TBX1: variants seen among roughly 807,000 people sequenced by gnomAD.
TBX1 encodes T-box transcription factor 1, also known as T-box transcription factor TBX1.
A neutral mutation model predicts 40.8 loss-of-function variants in TBX1; 16 were observed. The ratio of observed to expected loss-of-function variants is 0.39; its 90% CI spans 0.27 to 0.60. TBX1 has a LOEUF of 0.60. Among genes scored for constraint, TBX1 ranks in the 20% least tolerant of loss-of-function variants. The pLI, the probability that TBX1 is intolerant of heterozygous loss-of-function variation, is 0.51. For synonymous variants in TBX1, 403 were observed against 336.8 expected, an observed-to-expected ratio of 1.20 and a Z score of -2.15; for missense variants, 755 against 728.5, an observed-to-expected ratio of 1.04 and a Z score of -0.42.
chr22:19,765,834 C>A lies in TBX1; in HGVS notation c.935+9C>A, dbSNP rs754623522. ...TGTGACCCTGAGGACTGGTGAGTGT[C>A]CTCCCCCGAGAGAGTGAGCGCCGGG... On this transcript the variant is annotated intron_variant, in intron 5 of 6. Coordinates refer to ENST00000649276, the MANE Select transcript of TBX1 (RefSeq NM_001379200.1). The A allele has an allele frequency of 1.3e-6, 2 of 1,599,954 alleles. No individual in the cohort carries two copies. The highest frequency in any genetic ancestry group is 4.6e-5 in the East Asian group (2 of 43,776).
intron 8 of TBX1, among the ~76,000 whole-genome samples, chr22:19,774,779 A>C (rs1355818839): frequency 2.0e-5 from 3 of 152,204 alleles, no homozygotes; most frequent in Admixed American, 2.0e-4. Context: ...AGTCAGATTC[A>C]AGAAACAGAC....
At chr22:19,765,367 G>C (rs531576506) in intron 4 of TBX1, among the ~76,000 whole-genome samples, 1 of 152,094 alleles carries the variant, frequency 6.6e-6, no homozygotes, top group Admixed American at 6.5e-5. Context: ...TTTGTTTTCC[G>C]AACCATTCCG....
In TBX1 at chr22:19,765,839, C is replaced by CCCGAGAGAGTGAGCG. The variant is rs1239411826; in HGVS notation, c.935+18_935+32dup. 6 of 1,596,722 alleles carry CCCGAGAGAGTGAGCG rather than the reference C, an allele frequency of 3.8e-6. No homozygotes were observed. The highest frequency in any genetic ancestry group is 4.3e-6 in the Non-Finnish European group (5 of 1,172,434). On this transcript the variant is annotated intron_variant, in intron 5 of 6. Transcript: ENST00000649276. ...CCCTGAGGACTGGTGAGTGTCCTCCCCCGAGAGAGTGAGCGCCGGGCGCCT... is the reference window on the plus strand; with the variant it reads ...CCCTGAGGACTGGTGAGTGTCCTCCCCCGAGAGAGTGAGCGCCGAGAGAGTGAGCGCCGGGCGCCT...
chr22:19,783,147 G>A (rs1937158579), downstream of TBX1: 3 of 711,264 alleles, frequency 4.2e-6, no homozygotes, highest in East Asian at 7.9e-5. Context: ...CCGTGGAGTA[G>A]ACAAACTGCT....
chr22:19,761,431 C>T, intron 1 of TBX1, 151 bp downstream of exon 1: 2 of 1,188,120 alleles, frequency 1.7e-6, no homozygotes, highest in African/African-American at 3.2e-5. Context: ...CTGCCTCCTT[C>T]GCTGTTCGCC....
chr22:19,760,525 C>G (rs1039877254), upstream of TBX1, among the ~76,000 whole-genome samples: 3 of 143,910 alleles, frequency 2.1e-5, no homozygotes, highest in Non-Finnish European at 4.6e-5. Context: ...GAGGGCCGGC[C>G]GACGGGCCCG....
At chr22:19,772,397 C>T (rs1430067875) in intron 8 of TBX1, among the ~76,000 whole-genome samples, 10 of 152,210 alleles carry the variant, frequency 6.6e-5, no homozygotes, top group Non-Finnish European at 1.2e-4. Flanking sequence ...CCTCGAACTC[C>T]GGGGCTCAAG....
chr22:19,767,308 T>A lies in TBX1; in HGVS notation c.*441T>A. The A allele has an allele frequency of 2.0e-6, 2 of 990,880 alleles. No individual in the cohort carries two copies. The highest frequency in any genetic ancestry group is 2.4e-6 in the Non-Finnish European group (2 of 833,550). 61.4% of individuals were successfully genotyped at this position (990,880 alleles called of 1,614,324 possible). A position where few individuals can be genotyped will look rare whatever the true frequency, so the allele number is the denominator to read the frequency against. On this transcript the variant is annotated 3_prime_UTR_variant, in exon 7 of 7. Transcript: ENST00000649276. The stretch of plus-strand genomic sequence containing the variant: ...TGTAGATACCGCCCCGGCGCCGACT[T>A]GATAAACGGTTTCGCCTCTTTTGGA...
upstream of TBX1, chr22:19,759,348 C>T (rs1936563436): frequency 2.9e-6 from 1 of 348,416 alleles, no homozygotes; most frequent in African/African-American, 2.2e-5. Flanking sequence ...GGGCCCATGA[C>T]GCCATAATCC....
chr22:19,782,791 G>A, downstream of TBX1: 1 of 1,567,306 alleles, frequency 6.4e-7, no homozygotes, highest in East Asian at 2.3e-5. Context: ...TCAGCTGTCT[G>A]TGTTCACTCT....
At chr22:19,769,926 G>T (rs984611019), downstream of TBX1, among the ~76,000 whole-genome samples, 1 of 152,220 alleles carries the variant, frequency 6.6e-6, no homozygotes, top group African/African-American at 2.4e-5. Flanking sequence ...ACTGACAGTG[G>T]CCGTTCTTCC....
downstream of TBX1, chr22:19,782,980 G>A (rs1297448495): frequency 7.2e-7 from 1 of 1,386,026 alleles, no homozygotes. Flanking sequence ...CCCCAAGTAA[G>A]AAGTCTGAGT....
At position 19,764,147 on chromosome 22, in the gene TBX1, C is replaced by G; in HGVS notation, c.540-8C>G. 1.9e-6 allele frequency: 3 copies of G among 1,612,722 alleles called. No homozygotes were observed. The highest frequency in any genetic ancestry group is 2.5e-6 in the Non-Finnish European group (3 of 1,179,874). ...CCACATGCACGACCCCACCCCGTGC[C>G]GCTCCAGGTACGCCTTCCACAGCTC... On this transcript the variant is annotated splice_region_variant and splice_polypyrimidine_tract_variant and intron_variant, in intron 2 of 6. Coordinates refer to ENST00000649276, the MANE Select transcript of TBX1 (RefSeq NM_001379200.1).
Position 19,763,328 on chromosome 22 carries a change from C to A in TBX1, c.525C>A (p.Asp175Glu), listed in dbSNP as rs538317719. 1 of 1,614,002 alleles carries A rather than the reference C, an allele frequency of 6.2e-7. No individual in the cohort carries two copies. Among genetic ancestry groups the A allele is most frequent in the African/African-American group, 1.3e-5 (1 of 74,944 alleles). The part of the protein sequence containing the change: ...YMLLMDFVPV[D>E]DKRYRYAFHS... The stretch of plus-strand genomic sequence containing the variant: ...TGCTCATGGACTTCGTGCCGGTGGA[C>A]GATAAGCGCTACCGGTGAGCGAGTG... The change falls in exon 2 of 7, where the codon GAC becomes GAA. Residue 175 changes from aspartate (D) to glutamate (E), a missense_variant. Transcript: ENST00000649276.
intron 8 of TBX1, among the ~76,000 whole-genome samples, chr22:19,775,690 A>G (rs41297810): frequency 3.9e-5 from 6 of 152,286 alleles, no homozygotes; most frequent in East Asian, 1.9e-4. Flanking sequence ...GTCTTCCCAC[A>G]TGGCCGCACC....
At chr22:19,777,835 C>T (rs1257322455) in intron 8 of TBX1, among the ~76,000 whole-genome samples, 4 of 150,788 alleles carry the variant, frequency 2.7e-5, no homozygotes, top group African/African-American at 9.8e-5. Context: ...TCATGGCTCA[C>T]GGCAGCCTTG....
downstream of TBX1, among the ~76,000 whole-genome samples, chr22:19,768,950 A>ATTTTTTTTTTTTTTTTT (rs1601297935): frequency 4.2e-5 from 3 of 70,712 alleles, no homozygotes; most frequent in Non-Finnish European, 5.7e-5. Context: ...GGCTGTTCGC[A>ATTTTTTTTTTTTTTTTT]TTCTTTTTTT....
At position 19,765,951 on chromosome 22, in the gene TBX1, C is replaced by G. The variant is rs773107514; in HGVS notation, c.985C>G (p.Arg329Gly). 2 of 1,522,386 alleles carry G rather than the reference C, an allele frequency of 1.3e-6. No homozygotes were observed. The highest frequency in any genetic ancestry group is 1.2e-5 in the South Asian group (1 of 81,988). 94.3% of individuals were successfully genotyped at this position (1,522,386 alleles called of 1,614,324 possible). The change falls in exon 6 of 7, where the codon CGC becomes GGC. Residue 329 changes from arginine (R) to glycine (G), a missense_variant. Arg to Gly is a moderately radical substitution (Grantham distance 125). Coordinates refer to ENST00000649276, the MANE Select transcript of TBX1 (RefSeq NM_001379200.1). ...GALPLMSAFA[R>G]SRNPVASPTQ... is the part of the protein sequence containing the mutation. ...ACTGCCGCTCATGAGCGCCTTCGCG[C>G]GCTCGCGGAACCCCGTGGCTTCCCC...
intron 8 of TBX1, among the ~76,000 whole-genome samples, chr22:19,774,442 G>A (rs546118852): frequency 4.6e-5 from 7 of 152,268 alleles, no homozygotes; most frequent in South Asian, 2.1e-4. Flanking sequence ...ACATAGAACC[G>A]TATGTTCCAG....
Sources: gnomAD v4.1 joint callset for allele counts (sites outside exome capture counted in the v4.1 genomes callset) on GRCh38, gnomAD v4.1.1 for gene constraint, MANE v1.5 for transcripts, NCBI Gene and HGNC (gene_info 2026-07-23, HGNC 2026-07-21) for gene names.